EYS: variants seen among roughly 807,000 people sequenced by gnomAD.
EYS encodes the protein protein eyes shut homolog.
In EYS, 250 loss-of-function variants were observed where a neutral mutation model predicts 282.1. That is an observed-to-expected ratio of 0.89 (90% confidence interval 0.80 to 0.98). The LOEUF (loss-of-function observed/expected upper bound fraction) is 0.98, where lower values mean the gene tolerates loss of function less well. Among genes scored for constraint, EYS ranks in the 50% least tolerant of loss-of-function variants. The probability of loss-of-function intolerance (pLI) is 0.00; values close to 1 mark genes in which losing one functional copy is unlikely to be tolerated. For synonymous variants in EYS, 1,355 were observed against 1,282.9 expected (o/e 1.06, Z -1.20); for missense variants, 4,016 against 3,709.0 (o/e 1.08, Z -2.15).
chr6:64,867,324 A>T (rs1290457362), intron 19 of EYS, among the ~76,000 whole-genome samples: 1 of 151,770 alleles, frequency 6.6e-6, no homozygotes, highest in East Asian at 1.9e-4. Flanking sequence ...TTTTTCACCT[A>T]ATACAACTTA....
chr6:64,997,755 A>G, intron 13 of EYS, 52 bp from the exon 14 acceptor site: 3 of 1,495,986 alleles, frequency 2.0e-6, no homozygotes, highest in East Asian at 5.0e-5. Context: ...ACCTTAGTAC[A>G]GGTAATTATA....
At position 64,096,330 on chromosome 6, in the gene EYS, A is replaced by G. The variant is rs926094911; in HGVS notation, c.6425-14328T>C. On this transcript the variant is annotated intron_variant, in intron 31 of 42. Coordinates refer to ENST00000503581, the MANE Select transcript of EYS (RefSeq NM_001142800.2). The stretch of plus-strand genomic sequence containing the variant: ...TAGATTGGGGAAGTTCTCCTGGATA[A>G]TATACTGCAGAGTGTTTTCCAACTT... 1.5e-4 allele frequency among the ~76,000 whole-genome samples: 23 copies of G among 152,200 alleles called. 1 individual carries two copies. Among genetic ancestry groups the G allele is most frequent in the Admixed American group, 1.2e-3 (19 of 15,286 alleles).
chr6:65,100,149 G>T (rs1383688248), intron 12 of EYS, among the ~76,000 whole-genome samples: 1 of 150,774 alleles, frequency 6.6e-6, no homozygotes, highest in Non-Finnish European at 1.5e-5. Flanking sequence ...GACCTTTTGT[G>T]CGGACAGTTC....
chr6:65,279,678 T>C (rs1768162870), intron 12 of EYS, among the ~76,000 whole-genome samples: 1 of 152,212 alleles, frequency 6.6e-6, no homozygotes, highest in South Asian at 2.1e-4. Flanking sequence ...AAATAAACTT[T>C]TATTTTAAGT....
At chr6:65,619,949 G>A (rs947398353) in intron 2 of EYS, among the ~76,000 whole-genome samples, 6 of 150,794 alleles carry the variant, frequency 4.0e-5, no homozygotes, top group African/African-American at 9.7e-5. Flanking sequence ...TGCTGGATTC[G>A]GTTTGCCAGT....
chr6:64,585,905 A>G (rs1314603402), intron 26 of EYS, among the ~76,000 whole-genome samples: 1 of 152,046 alleles, frequency 6.6e-6, no homozygotes, highest in Non-Finnish European at 1.5e-5. Flanking sequence ...AACAGCCTAC[A>G]TTTCTGAGTG....
At chr6:64,648,479 C>T (rs1582994871) in intron 22 of EYS, among the ~76,000 whole-genome samples, 1 of 152,224 alleles carries the variant, frequency 6.6e-6, no homozygotes, top group African/African-American at 2.4e-5. Context: ...AGAGAAATAT[C>T]ATATAATTTG....
At chr6:63,762,341 G>C in intron 41 of EYS, 120 bp downstream of exon 41, 1 of 889,650 alleles carries the variant, frequency 1.1e-6, no homozygotes, top group Non-Finnish European at 1.7e-6. Context: ...AGAAAAAGAG[G>C]ACAGTGGATT....
intron 13 of EYS, among the ~76,000 whole-genome samples, chr6:65,002,065 C>T (rs1346395374): frequency 9.7e-6 from 1 of 102,944 alleles, no homozygotes; most frequent in Non-Finnish European, 2.1e-5. Flanking sequence ...AAATATAATA[C>T]ATTGTTAATC....
intron 5 of EYS, among the ~76,000 whole-genome samples, chr6:65,473,628 A>G (rs1004375685): frequency 6.6e-6 from 1 of 151,960 alleles, no homozygotes; most frequent in African/African-American, 2.4e-5. Flanking sequence ...TAGATACAAG[A>G]TCTAACTAAA....
At chr6:64,246,581 A>G (rs993758603) in intron 30 of EYS, among the ~76,000 whole-genome samples, 1 of 152,176 alleles carries the variant, frequency 6.6e-6, no homozygotes, top group Admixed American at 6.5e-5. Flanking sequence ...GTACCATAGA[A>G]CACTTAATTG....
At chr6:65,484,857 C>G (rs1765732273) in intron 5 of EYS, among the ~76,000 whole-genome samples, 2 of 152,116 alleles carry the variant, frequency 1.3e-5, no homozygotes, top group South Asian at 4.1e-4. Flanking sequence ...GGCCTTCCAC[C>G]TATTTTTGTA....
intron 41 of EYS, among the ~76,000 whole-genome samples, chr6:63,745,673 T>C (rs1769193705): frequency 6.6e-6 from 1 of 152,212 alleles, no homozygotes; most frequent in South Asian, 2.1e-4. Context: ...GTGATTTAGA[T>C]GGATGTTGGA....
chr6:63,899,387 T>C (rs1773609144), intron 35 of EYS, among the ~76,000 whole-genome samples: 1 of 152,160 alleles, frequency 6.6e-6, no homozygotes, highest in Admixed American at 6.5e-5. Context: ...AATGTCACTC[T>C]CCTTTCTAAA....
chr6:64,203,992 C>T (rs954150546), intron 31 of EYS, among the ~76,000 whole-genome samples: 3 of 152,078 alleles, frequency 2.0e-5, no homozygotes, highest in African/African-American at 7.2e-5. Flanking sequence ...AATTTTATGC[C>T]TTCCAAGGTT....
At chr6:65,229,007 A>G (rs1766700673) in intron 12 of EYS, among the ~76,000 whole-genome samples, 1 of 152,034 alleles carries the variant, frequency 6.6e-6, no homozygotes, top group Non-Finnish European at 1.5e-5. Context: ...TACAAAAATT[A>G]AGACAAAATG....
At chr6:64,363,188 A>G (rs901250859) in intron 29 of EYS, among the ~76,000 whole-genome samples, 1 of 151,862 alleles carries the variant, frequency 6.6e-6, no homozygotes, top group African/African-American at 2.4e-5. Context: ...GATTCTGCAT[A>G]TAATCAAGTG....
At chr6:65,408,206 G>A (rs1766836998) in intron 5 of EYS, among the ~76,000 whole-genome samples, 1 of 151,982 alleles carries the variant, frequency 6.6e-6, no homozygotes, top group South Asian at 2.1e-4. Flanking sequence ...ATATTTTGGT[G>A]GAGATTTTCT....
At chr6:65,035,876 ATTTG>A (rs1438591189) in intron 13 of EYS, among the ~76,000 whole-genome samples, 1 of 147,820 alleles carries the variant, frequency 6.8e-6, no homozygotes, top group Non-Finnish European at 1.5e-5. Context: ...ATTATTAATA[ATTTG>A]TTTGTAATAT....
Sources: gnomAD v4.1 joint callset for allele counts (sites outside exome capture counted in the v4.1 genomes callset) on GRCh38, gnomAD v4.1.1 for gene constraint, MANE v1.5 for transcripts, NCBI Gene and HGNC (gene_info 2026-07-23, HGNC 2026-07-21) for gene names.